The following JADE1 variants were observed in gnomAD, a reference collection of about 807,000 sequenced individuals.
JADE1 encodes jade family PHD finger 1.
JADE1 carries 14 observed loss-of-function variants against 81.8 expected under a neutral mutation model. The observed-to-expected ratio is 0.17, with a 90% CI of 0.11 to 0.27. The LOEUF (loss-of-function observed/expected upper bound fraction) is 0.27. Among genes scored for constraint, JADE1 ranks in the 10% least tolerant of loss-of-function variants. JADE1 has a pLI of 1.00. For missense variants in JADE1, 690 were observed against 1,047.9 expected, an observed-to-expected ratio of 0.66 and a Z score of 4.71; for synonymous variants, 353 against 391.9, an observed-to-expected ratio of 0.90 and a Z score of 1.17.
At chr4:128,843,876 G>T (rs905822774) in intron 3 of JADE1, among the ~76,000 whole-genome samples, 2 of 152,150 alleles carry the variant, frequency 1.3e-5, no homozygotes, top group Non-Finnish European at 2.9e-5. Flanking sequence ...TCAGAAGGCT[G>T]CCCTGCTGTG....
chr4:128,814,642 A>G (rs559906611), intron 1 of JADE1, among the ~76,000 whole-genome samples: 1 of 150,794 alleles, frequency 6.6e-6, no homozygotes, highest in Non-Finnish European at 1.5e-5. Context: ...TCTCACTGCA[A>G]CCTATGCCTC....
At chr4:128,813,407 CTTTTT>C (rs72296886) in intron 1 of JADE1, among the ~76,000 whole-genome samples, 9 of 115,562 alleles carry the variant, frequency 7.8e-5, no homozygotes, top group Non-Finnish European at 1.0e-4. Flanking sequence ...CTTACGGTCA[CTTTTT>C]TTTTTTTTTT....
chr4:128,839,148 C>CT (rs1729221787), intron 2 of JADE1, among the ~76,000 whole-genome samples: 1 of 152,192 alleles, frequency 6.6e-6, no homozygotes, highest in African/African-American at 2.4e-5. Context: ...ACAGCACTGA[C>CT]TAACTTAGCT....
chr4:128,822,576 G>A (rs572258800), intron 1 of JADE1, among the ~76,000 whole-genome samples: 8 of 151,760 alleles, frequency 5.3e-5, no homozygotes, highest in Non-Finnish European at 8.8e-5. Context: ...AAAATTAGCC[G>A]GGCGTGGTGG....
intron 5 of JADE1, 135 bp downstream of exon 5, chr4:128,849,302 C>T: frequency 1.4e-6 from 1 of 706,600 alleles, no homozygotes; most frequent in Non-Finnish European, 2.3e-6. Context: ...GTGAGAATCG[C>T]AGCCCTGCCT....
intron 8 of JADE1, among the ~76,000 whole-genome samples, chr4:128,860,078 T>G (rs1019414078): frequency 2.6e-5 from 4 of 152,192 alleles, no homozygotes; most frequent in African/African-American, 9.7e-5. Context: ...TTGGGTTAAG[T>G]GTAGTTTAAG....
intron 5 of JADE1, among the ~76,000 whole-genome samples, chr4:128,850,706 A>G (rs1438698889): frequency 6.6e-6 from 1 of 152,216 alleles, no homozygotes; most frequent in Non-Finnish European, 1.5e-5. Flanking sequence ...TTGTAAGCAC[A>G]TTATAAAGAC....
chr4:128,851,483 T>C (rs561982197), intron 5 of JADE1, among the ~76,000 whole-genome samples: 3 of 152,352 alleles, frequency 2.0e-5, no homozygotes, highest in African/African-American at 7.2e-5. Flanking sequence ...GTATTTAATA[T>C]CCTTGAATCC....
Position 128,843,018 on chromosome 4 carries a change from G to A in JADE1, c.118G>A (p.Glu40Lys). 1 of 1,614,006 alleles carries A rather than the reference G, an allele frequency of 6.2e-7. No individual in the cohort carries two copies. Among genetic ancestry groups the A allele is most frequent in the Non-Finnish European group, 8.5e-7 (1 of 1,179,882 alleles). ...QHRRSSCSRH[E>K]DRKPSEVFRT... is the part of the protein sequence containing the mutation. ...TAGGAGAAGCTCCTGCTCCAGACATGAAGATCGAAAGCCTTCAGAGGTACT... is the reference window on the plus strand; with the variant it reads ...TAGGAGAAGCTCCTGCTCCAGACATAAAGATCGAAAGCCTTCAGAGGTACT... Residue 40 changes from glutamate to lysine, a missense_variant, in exon 3 of 11, where the codon GAA (glutamate) becomes AAA (lysine). Glu to Lys is a moderately conservative substitution (Grantham distance 56, BLOSUM62 1). Coordinates refer to ENST00000226319, the MANE Select transcript of JADE1 (RefSeq NM_199320.4).
At chr4:128,818,379 C>G (rs1361905449) in intron 1 of JADE1, among the ~76,000 whole-genome samples, 1 of 152,146 alleles carries the variant, frequency 6.6e-6, no homozygotes, top group Non-Finnish European at 1.5e-5. Context: ...CCTCAGCCTC[C>G]CCAAGTGGTG....
chr4:128,815,328 C>G (rs373967628), intron 1 of JADE1, among the ~76,000 whole-genome samples: 6 of 152,132 alleles, frequency 3.9e-5, no homozygotes, highest in African/African-American at 1.4e-4. Flanking sequence ...TCTCGATCTC[C>G]TGACCTCGTG....
chr4:128,833,771 C>G (rs1728748830), intron 2 of JADE1, among the ~76,000 whole-genome samples: 1 of 152,156 alleles, frequency 6.6e-6, no homozygotes. Flanking sequence ...AAGATAATGC[C>G]CAATAAAAGC....
At chr4:128,851,833 T>C (rs911621732) in intron 5 of JADE1, among the ~76,000 whole-genome samples, 4 of 152,176 alleles carry the variant, frequency 2.6e-5, no homozygotes, top group African/African-American at 9.7e-5. Flanking sequence ...CTGGCTAATT[T>C]TCATATTTTT....
At chr4:128,868,011 G>A (rs1455420114) in intron 10 of JADE1, 38 bp downstream of exon 10, 2 of 1,132,100 alleles carry the variant, frequency 1.8e-6, no homozygotes, top group Non-Finnish European at 2.7e-6. Flanking sequence ...GTATAGGGCA[G>A]GGGTTTGTAA....
rs780412123 is a variant in JADE1, at chr4:128,875,077, C to CATG, written c.*2817_*2819dup. On this transcript the variant is annotated 3_prime_UTR_variant, in exon 11 of 11. Coordinates refer to ENST00000226319, the MANE Select transcript of JADE1 (RefSeq NM_199320.4). ...ATGTAGAGATGACTATTTTATATTA[C>CATG]ATGACCCAATCCTGTATTTATTTCT... is the stretch of plus-strand genomic sequence containing the variant. 5.9e-5 allele frequency: 9 copies of CATG among 151,518 alleles called. No individual in the cohort carries two copies. The highest frequency in any genetic ancestry group is 9.7e-5 in the African/African-American group (4 of 41,234). The allele number at this position is 151,518 out of a possible 1,614,324, so 9.4% of individuals were successfully genotyped here. A position where few individuals can be genotyped will look rare whatever the true frequency, so the allele number is the denominator to read the frequency against.
At chr4:128,850,953 T>C (rs193188172) in intron 5 of JADE1, among the ~76,000 whole-genome samples, 115 of 152,346 alleles carry the variant, frequency 7.5e-4, no homozygotes, top group South Asian at 8.3e-4. Flanking sequence ...TTTTTTGAGA[T>C]GAAGTCTCGC....
At chr4:128,837,535 A>G (rs1268235148) in intron 2 of JADE1, among the ~76,000 whole-genome samples, 2 of 152,228 alleles carry the variant, frequency 1.3e-5, no homozygotes, top group Non-Finnish European at 2.9e-5. Flanking sequence ...AATGACAGTT[A>G]TATCAGATGC....
intron 5 of JADE1, among the ~76,000 whole-genome samples, chr4:128,850,904 A>G (rs1008859439): frequency 6.6e-6 from 1 of 152,180 alleles, no homozygotes; most frequent in Non-Finnish European, 1.5e-5. Context: ...GCATGCTTAA[A>G]TATGTTTGTC....
intron 2 of JADE1, among the ~76,000 whole-genome samples, chr4:128,835,777 A>C (rs1047420729): frequency 6.6e-6 from 1 of 152,210 alleles, no homozygotes; most frequent in East Asian, 1.9e-4. Context: ...CACGAGCCAC[A>C]GCCATGGCTG....
Sources: allele counts gnomAD v4.1 joint callset (sites outside exome capture counted in the v4.1 genomes callset), GRCh38; gene constraint gnomAD v4.1.1; transcripts MANE v1.5; gene names NCBI Gene and HGNC (gene_info 2026-07-23, HGNC 2026-07-21).